OR7E24: variants seen among roughly 807,000 people sequenced by gnomAD.
OR7E24 encodes olfactory receptor family 7 subfamily E member 24.
For synonymous variants in OR7E24, 130 were observed against 157.5 expected, an observed-to-expected ratio of 0.83 and a Z score of 1.31; for missense variants, 385 against 410.3, an observed-to-expected ratio of 0.94 and a Z score of 0.53.
the OR7E24 span, among the ~76,000 whole-genome samples, chr19:9,228,756 A>G: frequency 1.3e-5 from 2 of 152,226 alleles, no homozygotes; most frequent in Non-Finnish European, 2.9e-5. Context: ...CCAGGGACTG[A>G]AAAGGGGAGA....
chr19:9,251,945 C>A lies in OR7E24; in HGVS notation c.902C>A (p.Pro301His). The change falls in exon 1 of 1, where the codon CCC (proline) becomes CAC (histidine). Residue 301 changes from proline (P) to histidine (H), a missense_variant. Transcript: ENST00000456448. ...VASVMYTVVT[P>H]MLNPFIYSLR... ...TCAGTGATGTACACTGTGGTCACCC[C>A]CATGCTGAACCCCTTCATCTACAGC... 1 of 1,614,124 alleles carries A rather than the reference C, an allele frequency of 6.2e-7. No homozygotes were observed. The highest frequency in any genetic ancestry group is 1.1e-5 in the South Asian group (1 of 91,082).
At chr19:9,214,668 G>A in the OR7E24 span, 2 of 1,614,174 alleles carry the variant, frequency 1.2e-6, no homozygotes, top group Non-Finnish European at 1.7e-6. Context: ...GTACATGGGG[G>A]TGTGGAGGTG....
the OR7E24 span, among the ~76,000 whole-genome samples, chr19:9,218,754 G>A: frequency 1.3e-5 from 2 of 151,978 alleles, no homozygotes; most frequent in South Asian, 2.1e-4. Flanking sequence ...TCAGTCTCCC[G>A]AGTAACTGGG....
chr19:9,216,277 T>C, the OR7E24 span, among the ~76,000 whole-genome samples: 1 of 152,228 alleles, frequency 6.6e-6, no homozygotes, highest in Non-Finnish European at 1.5e-5. Context: ...TGGGTCTCCC[T>C]GGTTCATGTT....
At chr19:9,241,743 G>A in the OR7E24 span, among the ~76,000 whole-genome samples, 2 of 152,284 alleles carry the variant, frequency 1.3e-5, no homozygotes, top group East Asian at 1.9e-4. Flanking sequence ...CAGCCTGGGC[G>A]ACAGAGTGAG....
At chr19:9,236,130 A>AATGT in the OR7E24 span, 1 of 939,190 alleles carries the variant, frequency 1.1e-6, no homozygotes, top group African/African-American at 1.6e-5. Context: ...CCCTTAAGCA[A>AATGT]ATGTGAATGC....
At chr19:9,227,778 G>A in the OR7E24 span, among the ~76,000 whole-genome samples, 2 of 136,784 alleles carry the variant, frequency 1.5e-5, no homozygotes, top group East Asian at 4.4e-4. Context: ...TTTTGAGACG[G>A]AGTCTCGCTC....
the OR7E24 span, among the ~76,000 whole-genome samples, chr19:9,229,881 G>T: frequency 6.6e-6 from 1 of 152,018 alleles, no homozygotes; most frequent in Non-Finnish European, 1.5e-5. Flanking sequence ...GGTTTAACAG[G>T]GACACACCAT....
the OR7E24 span, among the ~76,000 whole-genome samples, chr19:9,215,519 G>A: frequency 6.6e-6 from 1 of 151,986 alleles, no homozygotes; most frequent in African/African-American, 2.4e-5. Context: ...TCTAATAGAT[G>A]TACAATAGTT....
chr19:9,232,424 G>C, the OR7E24 span, among the ~76,000 whole-genome samples: 1 of 150,914 alleles, frequency 6.6e-6, no homozygotes, highest in Admixed American at 6.6e-5. Context: ...TGTAGTCCCA[G>C]CTATTCAGGA....
upstream of OR7E24, among the ~76,000 whole-genome samples, chr19:9,246,831 G>A (rs1460254718): frequency 6.6e-6 from 1 of 152,152 alleles, no homozygotes; most frequent in Non-Finnish European, 1.5e-5. Flanking sequence ...AATCAGAATG[G>A]TGGTTGCTAG....
chr19:9,239,707 C>CTTTTTTTTTTTTTTT, the OR7E24 span, among the ~76,000 whole-genome samples: 13 of 123,022 alleles, frequency 1.1e-4, no homozygotes, highest in East Asian at 4.6e-4. Flanking sequence ...TTTTCTTTTT[C>CTTTTTTTTTTTTTTT]TTTTTTTTTT....
chr19:9,213,091 G>A, the OR7E24 span: 1 of 152,188 alleles, frequency 6.6e-6, no homozygotes, highest in Non-Finnish European at 1.5e-5. Context: ...CATCAGACAT[G>A]TAAAGCAACA....
At chr19:9,213,021 C>T in the OR7E24 span, 1 of 152,198 alleles carries the variant, frequency 6.6e-6, no homozygotes, top group East Asian at 1.9e-4. Context: ...CAGTCTCCTC[C>T]TTTGAGAAAT....
At chr19:9,247,066 A>C (rs1195486698), upstream of OR7E24, among the ~76,000 whole-genome samples, 2 of 152,238 alleles carry the variant, frequency 1.3e-5, no homozygotes, top group Non-Finnish European at 2.9e-5. Flanking sequence ...TATATGCAAT[A>C]TCTTTTATAT....
the OR7E24 span, among the ~76,000 whole-genome samples, chr19:9,241,672 G>A: frequency 1.3e-5 from 2 of 152,172 alleles, no homozygotes; most frequent in Non-Finnish European, 2.9e-5. Flanking sequence ...ACTGAGGCAG[G>A]AGAATTGCTT....
chr19:9,238,257 T>A, the OR7E24 span, among the ~76,000 whole-genome samples: 1 of 151,406 alleles, frequency 6.6e-6, no homozygotes, highest in East Asian at 1.9e-4. Context: ...AGTGACAGCC[T>A]GGGTGACAGA....
the OR7E24 span, among the ~76,000 whole-genome samples, chr19:9,216,539 C>T: frequency 6.6e-6 from 1 of 152,020 alleles, no homozygotes; most frequent in Non-Finnish European, 1.5e-5. Context: ...TGTCATTTGT[C>T]TACTATGATT....
the OR7E24 span, among the ~76,000 whole-genome samples, chr19:9,241,021 TAGTC>T: frequency 6.6e-6 from 1 of 152,128 alleles, no homozygotes; most frequent in Non-Finnish European, 1.5e-5. Flanking sequence ...TTTCACATGT[TAGTC>T]AGGCCGGTCT....
Sources: allele counts gnomAD v4.1 joint callset (sites outside exome capture counted in the v4.1 genomes callset), GRCh38; gene constraint gnomAD v4.1.1; transcripts MANE v1.5; gene names NCBI Gene and HGNC (gene_info 2026-07-23, HGNC 2026-07-21).